SNX18: variants seen among roughly 807,000 people sequenced by gnomAD.
SNX18 encodes the protein sorting nexin-18.
Under a neutral mutation model 48.7 loss-of-function variants are expected in SNX18, and 35 were observed. That is an observed-to-expected ratio of 0.72 (90% CI 0.55 to 0.95). The LOEUF (loss-of-function observed/expected upper bound fraction) is 0.95. Among genes scored for constraint, SNX18 ranks in the 40% least tolerant of loss-of-function variants. The probability of loss-of-function intolerance (pLI) is 0.00; values close to 1 mark genes in which losing one functional copy is unlikely to be tolerated. For missense variants in SNX18, 824 were observed against 871.0 expected (o/e 0.95, Z 0.68); for synonymous variants, 492 against 384.7 (o/e 1.28, Z -3.26).
At chr5:54,523,482 AAT>A (rs1183113496) in intron 1 of SNX18, among the ~76,000 whole-genome samples, 1 of 152,170 alleles carries the variant, frequency 6.6e-6, no homozygotes, top group Non-Finnish European at 1.5e-5. Flanking sequence ...ACTAAATAAA[AAT>A]GGCTAGAGGG....
At chr5:54,623,406 G>A in the SNX18 span, among the ~76,000 whole-genome samples, 2 of 152,240 alleles carry the variant, frequency 1.3e-5, no homozygotes, top group East Asian at 1.9e-4. Context: ...AGGAGGCAGT[G>A]TAGCCCAGCA....
chr5:54,518,339 C>T lies in SNX18; in HGVS notation c.387C>T (p.Gly129=), dbSNP rs2112831060. 1 of 1,514,794 alleles carries T rather than the reference C, an allele frequency of 6.6e-7. No homozygotes were observed. Among genetic ancestry groups the T allele is most frequent in the Non-Finnish European group, 8.8e-7 (1 of 1,133,982 alleles). The allele number at this position is 1,514,794 out of a possible 1,614,324, so 93.8% of individuals were successfully genotyped here. ...FQPPGAGFPY[G]GGALQPSPQQ... is the part of the protein sequence containing the mutation. ...CGCCCGGCGCGGGCTTCCCGTACGG[C>T]GGGGGCGCCCTGCAGCCGTCGCCTC... The change falls in exon 1 of 2, where the codon GGC becomes GGT. Residue 129 remains glycine (G), a synonymous_variant. Transcript: ENST00000381410.
At chr5:54,580,264 G>T in the SNX18 span, among the ~76,000 whole-genome samples, 2 of 152,142 alleles carry the variant, frequency 1.3e-5, no homozygotes, top group Non-Finnish European at 2.9e-5. Flanking sequence ...ACTAAGTTTA[G>T]GTTTACAATG....
intron 1 of SNX18, among the ~76,000 whole-genome samples, chr5:54,526,828 G>C (rs1262414121): frequency 6.6e-6 from 1 of 152,276 alleles, no homozygotes; most frequent in East Asian, 1.9e-4. Flanking sequence ...CAGTAGAGCA[G>C]GGAAAGAGGG....
intron 1 of SNX18, among the ~76,000 whole-genome samples, chr5:54,539,530 T>G (rs754889858): frequency 2.0e-5 from 3 of 152,168 alleles, no homozygotes; most frequent in African/African-American, 7.2e-5. Context: ...GTTGTCACAT[T>G]GGTCACGTTA....
At chr5:54,541,808 C>T (rs1208124718) in intron 1 of SNX18, among the ~76,000 whole-genome samples, 8 of 152,072 alleles carry the variant, frequency 5.3e-5, no homozygotes, top group Admixed American at 5.2e-4. Context: ...TTGAACTATG[C>T]CAAAAAAGCA....
intron 1 of SNX18, among the ~76,000 whole-genome samples, chr5:54,533,971 G>T (rs2112850519): frequency 6.6e-6 from 1 of 152,208 alleles, no homozygotes; most frequent in South Asian, 2.1e-4. Context: ...CCAGCAATGA[G>T]AGGATAAGAA....
At chr5:54,578,210 T>G in the SNX18 span, among the ~76,000 whole-genome samples, 1 of 152,188 alleles carries the variant, frequency 6.6e-6, no homozygotes, top group African/African-American at 2.4e-5. Flanking sequence ...AACGTGCCAC[T>G]TACAACGTGA....
At chr5:54,597,224 C>T in the SNX18 span, among the ~76,000 whole-genome samples, 6 of 152,236 alleles carry the variant, frequency 3.9e-5, no homozygotes, top group Admixed American at 2.6e-4. Flanking sequence ...TACAGGAGCA[C>T]CCAGATTCAT....
At chr5:54,622,318 G>A in the SNX18 span, among the ~76,000 whole-genome samples, 2 of 152,238 alleles carry the variant, frequency 1.3e-5, 1 homozygote, top group African/African-American at 4.8e-5. Context: ...GGGCAACAAG[G>A]TGAAATCCCA....
the SNX18 span, among the ~76,000 whole-genome samples, chr5:54,555,826 CAAAA>C: frequency 2.4e-5 from 2 of 85,018 alleles, no homozygotes. Context: ...GACCTTGTCT[CAAAA>C]AAAAAAAAAA....
At chr5:54,564,503 T>C in the SNX18 span, among the ~76,000 whole-genome samples, 1 of 152,188 alleles carries the variant, frequency 6.6e-6, no homozygotes, top group Non-Finnish European at 1.5e-5. Flanking sequence ...ACAGCATAAA[T>C]GTATTATTTT....
At chr5:54,563,246 A>G in the SNX18 span, among the ~76,000 whole-genome samples, 1 of 152,234 alleles carries the variant, frequency 6.6e-6, no homozygotes, top group Non-Finnish European at 1.5e-5. Flanking sequence ...CATGGTGTAC[A>G]GTAATGTCCT....
At chr5:54,526,988 G>T (rs376477735) in intron 1 of SNX18, among the ~76,000 whole-genome samples, 1 of 151,984 alleles carries the variant, frequency 6.6e-6, no homozygotes, top group Non-Finnish European at 1.5e-5. Flanking sequence ...AGAGGGTTTA[G>T]CTAAAGTAAG....
At chr5:54,530,276 G>T (rs951909467) in intron 1 of SNX18, among the ~76,000 whole-genome samples, 2 of 152,116 alleles carry the variant, frequency 1.3e-5, no homozygotes, top group Non-Finnish European at 1.5e-5. Flanking sequence ...ACAGTCAAAG[G>T]TTCCATGTAG....
chr5:54,600,363 C>T, the SNX18 span, among the ~76,000 whole-genome samples: 639 of 152,272 alleles, frequency 4.2e-3, 7 homozygotes, highest in African/African-American at 0.015. Context: ...AATAGGGACA[C>T]TTTTACACTG....
downstream of SNX18, among the ~76,000 whole-genome samples, chr5:54,550,670 G>A (rs900469256): frequency 2.2e-4 from 34 of 152,224 alleles, 1 homozygote; most frequent in African/African-American, 2.2e-4. Flanking sequence ...TGCAATCTCC[G>A]CCTCCCGGGT....
chr5:54,527,239 G>A (rs902041281), intron 1 of SNX18, among the ~76,000 whole-genome samples: 4 of 152,126 alleles, frequency 2.6e-5, no homozygotes, highest in African/African-American at 9.7e-5. Context: ...ATAGAATGGC[G>A]TGTGGCAGTC....
chr5:54,614,422 G>A, the SNX18 span, among the ~76,000 whole-genome samples: 1 of 152,170 alleles, frequency 6.6e-6, no homozygotes, highest in East Asian at 1.9e-4. Context: ...CAAGATCAGT[G>A]ATTAGTAATC....
Sources: gnomAD v4.1 joint callset for allele counts (sites outside exome capture counted in the v4.1 genomes callset) on GRCh38, gnomAD v4.1.1 for gene constraint, MANE v1.5 for transcripts, NCBI Gene and HGNC (gene_info 2026-07-23, HGNC 2026-07-21) for gene names.